CSMD1: variants seen among roughly 807,000 people sequenced by gnomAD.
CSMD1 encodes CUB and Sushi multiple domains 1.
In CSMD1, 213 loss-of-function variants were observed where a neutral mutation model predicts 417.5. The ratio of observed to expected loss-of-function variants is 0.51; its 90% CI spans 0.46 to 0.57. CSMD1 has a LOEUF of 0.57. Among genes scored for constraint, CSMD1 ranks in the 20% least tolerant of loss-of-function variants. The pLI is 0.00. For missense variants in CSMD1, 6,923 were observed against 4,529.7 expected (o/e 1.53, Z -15.17); for synonymous variants, 2,862 against 1,736.8 (o/e 1.65, Z -16.11).
At chr8:4,617,485 T>A (rs1280671857) in intron 2 of CSMD1, among the ~76,000 whole-genome samples, 1 of 152,174 alleles carries the variant, frequency 6.6e-6, no homozygotes, top group Non-Finnish European at 1.5e-5. Context: ...AGGTAAACAT[T>A]CTGGTAAATC....
chr8:4,085,885 C>G (rs1421536117), intron 3 of CSMD1, among the ~76,000 whole-genome samples: 3 of 152,066 alleles, frequency 2.0e-5, no homozygotes, highest in Non-Finnish European at 4.4e-5. Context: ...TATTATTGTA[C>G]TCTAGTTTTG....
intron 26 of CSMD1, among the ~76,000 whole-genome samples, chr8:3,253,305 G>A (rs1463109025): frequency 6.6e-5 from 10 of 152,142 alleles, no homozygotes; most frequent in Non-Finnish European, 1.3e-4. Context: ...TCACTCAGGA[G>A]CAGGTCGTTC....
intron 5 of CSMD1, among the ~76,000 whole-genome samples, chr8:3,899,303 G>A (rs1293194693): frequency 1.3e-5 from 2 of 152,182 alleles, no homozygotes; most frequent in East Asian, 1.9e-4. Context: ...TTTCAAGTAC[G>A]CTTTGCAAAA....
intron 23 of CSMD1, among the ~76,000 whole-genome samples, chr8:3,324,530 T>G (rs1355860326): frequency 8.5e-6 from 1 of 117,028 alleles, no homozygotes; most frequent in African/African-American, 3.1e-5. Context: ...AGGGGGAGTT[T>G]CTTCCCCCCA....
At chr8:4,586,380 T>A (rs1346817259) in intron 2 of CSMD1, among the ~76,000 whole-genome samples, 2 of 152,192 alleles carry the variant, frequency 1.3e-5, no homozygotes, top group Non-Finnish European at 2.9e-5. Flanking sequence ...ATTTTAAAGG[T>A]TACATAAACT....
At chr8:3,945,419 T>C (rs74364641) in intron 5 of CSMD1, among the ~76,000 whole-genome samples, 10,767 of 152,104 alleles carry the variant, frequency 0.071, 831 homozygotes, top group African/African-American at 0.18. Flanking sequence ...TGGGGGGGCA[T>C]ATTACAAATA....
chr8:3,964,987 T>G (rs983649656), intron 5 of CSMD1, among the ~76,000 whole-genome samples: 3 of 152,226 alleles, frequency 2.0e-5, no homozygotes, highest in Admixed American at 6.5e-5. Context: ...GCAAACTCTC[T>G]AGGCCACGGT....
chr8:3,770,800 C>T (rs995715548), intron 5 of CSMD1, among the ~76,000 whole-genome samples: 1 of 152,106 alleles, frequency 6.6e-6, no homozygotes, highest in East Asian at 1.9e-4. Flanking sequence ...TATACTCTCT[C>T]AACCATTATA....
Position 4,904,049 on chromosome 8 carries a change from G to A in CSMD1, c.85+90283C>T, listed in dbSNP as rs1324330927. ...TACTTTTTTTGGAGGACTGGCATTAGTGTAAGATTTGAGAAAGGACTTACC... is the reference window on the plus strand; with the variant it reads ...TACTTTTTTTGGAGGACTGGCATTAATGTAAGATTTGAGAAAGGACTTACC... On this transcript the variant is annotated intron_variant, in intron 1 of 69. Coordinates refer to ENST00000635120, the MANE Select transcript of CSMD1 (RefSeq NM_033225.6). Among the ~76,000 whole-genome samples the A allele has an allele frequency of 2.0e-5, 3 of 152,040 alleles. No individual in the cohort carries two copies. The East Asian group carries it at 5.8e-4, about 29-fold the overall frequency.
At chr8:3,554,273 G>A (rs1005456140) in intron 10 of CSMD1, among the ~76,000 whole-genome samples, 1 of 152,228 alleles carries the variant, frequency 6.6e-6, no homozygotes, top group Non-Finnish European at 1.5e-5. Flanking sequence ...ATTTGGAAGT[G>A]GTAGGGAATA....
At chr8:3,029,014 G>A (rs922702350) in intron 51 of CSMD1, among the ~76,000 whole-genome samples, 28 of 152,050 alleles carry the variant, frequency 1.8e-4, no homozygotes, top group Admixed American at 1.7e-3. Context: ...TGTCTATGGC[G>A]TAAGAGTTAT....
At chr8:3,602,812 A>G (rs1176825539) in intron 8 of CSMD1, among the ~76,000 whole-genome samples, 2 of 152,180 alleles carry the variant, frequency 1.3e-5, no homozygotes, top group East Asian at 3.9e-4. Flanking sequence ...CCGAGATGGC[A>G]TATCTGATGA....
intron 5 of CSMD1, among the ~76,000 whole-genome samples, chr8:3,963,646 T>A (rs938288048): frequency 6.6e-6 from 1 of 152,256 alleles, no homozygotes; most frequent in African/African-American, 2.4e-5. Flanking sequence ...TTTTAAATAC[T>A]AAAGCTATGT....
At chr8:4,923,858 G>A (rs78600744) in intron 1 of CSMD1, among the ~76,000 whole-genome samples, 5,146 of 152,162 alleles carry the variant, frequency 0.034, 117 homozygotes, top group South Asian at 0.053. Flanking sequence ...GAAGTAACTG[G>A]CCCACAAACT....
At chr8:3,619,973 G>C (rs550045442) in intron 7 of CSMD1, among the ~76,000 whole-genome samples, 1 of 152,208 alleles carries the variant, frequency 6.6e-6, no homozygotes, top group East Asian at 1.9e-4. Flanking sequence ...ATGGTGGCAG[G>C]CACCTGTAAT....
chr8:3,169,891 G>T (rs947320187), intron 37 of CSMD1, among the ~76,000 whole-genome samples: 1 of 152,126 alleles, frequency 6.6e-6, no homozygotes, highest in South Asian at 2.1e-4. Flanking sequence ...ATGTGAGAAT[G>T]GGCTGGCTCT....
At chr8:4,531,582 T>G (rs935006047) in intron 2 of CSMD1, among the ~76,000 whole-genome samples, 3 of 152,178 alleles carry the variant, frequency 2.0e-5, no homozygotes, top group African/African-American at 7.2e-5. Flanking sequence ...TGTAAAGTCC[T>G]GTATAAGTGT....
intron 59 of CSMD1, among the ~76,000 whole-genome samples, chr8:2,964,393 C>A (rs906996126): frequency 6.6e-6 from 1 of 152,178 alleles, no homozygotes; most frequent in Non-Finnish European, 1.5e-5. Context: ...CGTGTTCTGG[C>A]CCAAGGGAAT....
At chr8:4,737,616 T>C (rs1810331093) in intron 1 of CSMD1, among the ~76,000 whole-genome samples, 1 of 152,178 alleles carries the variant, frequency 6.6e-6, no homozygotes, top group African/African-American at 2.4e-5. Context: ...ACTAGCACTA[T>C]ATTTTACACA....
Sources: gnomAD v4.1 joint callset for allele counts (sites outside exome capture counted in the v4.1 genomes callset) on GRCh38, gnomAD v4.1.1 for gene constraint, MANE v1.5 for transcripts, NCBI Gene and HGNC (gene_info 2026-07-23, HGNC 2026-07-21) for gene names.